RUBCN: variants seen among roughly 807,000 people sequenced by gnomAD.
RUBCN encodes rubicon autophagy regulator.
Under a neutral mutation model 113.2 loss-of-function variants are expected in RUBCN, and 74 were observed. The ratio of observed to expected loss-of-function variants is 0.65; its 90% CI spans 0.54 to 0.79. RUBCN has a LOEUF of 0.79. Ranked by LOEUF, RUBCN falls within the 30% of genes least tolerant of loss-of-function variation. The pLI is 0.00. For missense variants in RUBCN, 1,109 were observed against 1,251.7 expected, an observed-to-expected ratio of 0.89 and a Z score of 1.72; for synonymous variants, 480 against 490.0, an observed-to-expected ratio of 0.98 and a Z score of 0.27.
chr3:197,697,084 T>C (rs1245952182), intron 7 of RUBCN, 35 bp from the exon 8 acceptor site: 5 of 1,058,158 alleles, frequency 4.7e-6, no homozygotes, highest in African/African-American at 1.6e-5. Context: ...TAAAAACACA[T>C]ACGAAATGAG....
chr3:197,687,747 C>T (rs1201351872), intron 11 of RUBCN, among the ~76,000 whole-genome samples: 2 of 152,190 alleles, frequency 1.3e-5, no homozygotes, highest in Non-Finnish European at 2.9e-5. Flanking sequence ...TTCACCAGTA[C>T]CCTTGGGTTC....
chr3:197,728,353 T>C (rs1726994341), intron 1 of RUBCN, among the ~76,000 whole-genome samples: 1 of 152,224 alleles, frequency 6.6e-6, no homozygotes, highest in Admixed American at 6.5e-5. Context: ...TCTGTAATTT[T>C]TGTACTAAAA....
rs376830623 is a variant in RUBCN, at chr3:197,684,854, CACT to C, written c.1787-640_1787-638del. 6.0e-4 allele frequency among the ~76,000 whole-genome samples: 92 copies of C among 152,116 alleles called. No homozygotes were observed. The East Asian group carries it at 0.016, about 26-fold the overall frequency. On this transcript the variant is annotated intron_variant, in intron 11 of 19. Transcript: ENST00000296343. The stretch of plus-strand genomic sequence containing the variant: ...TGGAACTTTGCTTCTAATATTTCAC[CACT>C]GTTGCCATTACCCCGAATGTTAGAA...
At position 197,675,035 on chromosome 3, in the gene RUBCN, C is replaced by T. The variant is rs768136761; in HGVS notation, c.2902G>A (p.Val968Ile). The T allele has an allele frequency of 2.9e-5, 47 of 1,612,524 alleles. No homozygotes were observed. The highest frequency in any genetic ancestry group is 1.6e-4 in the East Asian group (7 of 44,878). Residue 968 changes from valine (V) to isoleucine (I), a missense_variant, in exon 20 of 20, where the codon GTC becomes ATC. Transcript: ENST00000296343. This position sits in a 1 kb window ranked among gnomAD's most constrained non-coding sequence, Gnocchi z 4.4. ...PAEALALEAA[V>I]LEAT ...TGCTTTCTTCAGGTGGCCTCCAGGA[C>T]GGCGGCTTCCAGGGCCAGCGCTTCC...
rs915811120 is a variant in RUBCN, at chr3:197,674,306, T to G, written c.*712A>C. On this transcript the variant is annotated 3_prime_UTR_variant, in exon 20 of 20. Coordinates refer to ENST00000296343, the MANE Select transcript of RUBCN (RefSeq NM_014687.4). ...CCTGGCCTGAGCATCAGTTCTGTTCTTTGCTTCAAGATCACCAAGGTAGAT... is the reference window on the plus strand; with the variant it reads ...CCTGGCCTGAGCATCAGTTCTGTTCGTTGCTTCAAGATCACCAAGGTAGAT... 2.7e-5 allele frequency: 5 copies of G among 185,292 alleles called. No individual in the cohort carries two copies. Among genetic ancestry groups the G allele is most frequent in the Non-Finnish European group, 6.2e-5 (5 of 80,076 alleles). 11.5% of individuals were successfully genotyped at this position (185,292 alleles called of 1,614,324 possible). A position where few individuals can be genotyped will look rare whatever the true frequency, so the allele number is the denominator to read the frequency against.
intron 9 of RUBCN, 104 bp from the exon 10 acceptor site, chr3:197,694,689 C>A: frequency 1.0e-6 from 1 of 966,096 alleles, no homozygotes; most frequent in Non-Finnish European, 1.6e-6. Flanking sequence ...CTGTTCCTGC[C>A]AAAAACACCC....
rs146969620 is a variant in RUBCN, at chr3:197,681,185, C to G, written c.2374G>C (p.Val792Leu). ...TAGAGGGCACTGTTTATGTCCTGCA[C>G]GTTGAAGAGAGGATCATTCCAGATC... ...IKIWNDPLFN[V>L]QDINSALYRK... The change falls in exon 16 of 20, where the codon GTG becomes CTG. Residue 792 changes from valine to leucine, a missense_variant. Val to Leu is a conservative substitution (Grantham distance 32). Transcript: ENST00000296343. The surrounding 1 kb of genome is among the most constrained non-coding windows in gnomAD (Gnocchi z 5.5). The G allele has an allele frequency of 4.3e-6, 7 of 1,613,966 alleles. No homozygotes were observed. Among genetic ancestry groups the G allele is most frequent in the South Asian group, 2.2e-5 (2 of 91,078 alleles).
chr3:197,701,232 C>A, intron 6 of RUBCN, 86 bp from the exon 7 acceptor site: 3 of 1,211,068 alleles, frequency 2.5e-6, no homozygotes, highest in East Asian at 4.8e-5. Context: ...CCAGGACATA[C>A]GATGTCACCT....
At chr3:197,684,331 CACTCT>C in intron 11 of RUBCN, 114 bp from the exon 12 acceptor site, 1 of 813,762 alleles carries the variant, frequency 1.2e-6, no homozygotes, top group Non-Finnish European at 2.2e-6. Context: ...CCAGGTGCCA[CACTCT>C]ATGCAGGAGA....
chr3:197,709,908 C>T (rs1724762953), intron 2 of RUBCN, among the ~76,000 whole-genome samples: 1 of 151,920 alleles, frequency 6.6e-6, no homozygotes, highest in Admixed American at 6.6e-5. Flanking sequence ...GTGGCGCACA[C>T]CCGTTTAATC....
chr3:197,739,011 G>A (rs115985603), upstream of RUBCN, among the ~76,000 whole-genome samples: 1,912 of 151,678 alleles, frequency 0.013, 47 homozygotes, highest in African/African-American at 0.045. Context: ...TTGTTGGCTA[G>A]ACTGGAGTGC....
intron 11 of RUBCN, among the ~76,000 whole-genome samples, chr3:197,690,098 T>C (rs1213599878): frequency 6.6e-6 from 1 of 152,230 alleles, no homozygotes; most frequent in Non-Finnish European, 1.5e-5. Context: ...GATCTAATCT[T>C]ACACAATTAT....
At chr3:197,710,345 A>G (rs997522656) in intron 2 of RUBCN, among the ~76,000 whole-genome samples, 38 of 152,206 alleles carry the variant, frequency 2.5e-4, no homozygotes, top group African/African-American at 7.5e-4. Context: ...TCATGCCTAT[A>G]ATCCCAGCAC....
chr3:197,691,032 A>T (rs376790827), intron 11 of RUBCN: 1 of 1,071,058 alleles, frequency 9.3e-7, no homozygotes. Context: ...ACATTCTCAC[A>T]CATGCATCTA....
intron 1 of RUBCN, among the ~76,000 whole-genome samples, chr3:197,728,472 G>A (rs2108990386): frequency 6.6e-6 from 1 of 152,292 alleles, no homozygotes; most frequent in East Asian, 1.9e-4. Flanking sequence ...GGACGGGAAA[G>A]AAAGAAAACA....
chr3:197,723,098 T>G (rs1454940445), intron 1 of RUBCN, among the ~76,000 whole-genome samples: 2 of 152,208 alleles, frequency 1.3e-5, no homozygotes, highest in Non-Finnish European at 2.9e-5. Context: ...TCAATTTTGG[T>G]GTGTCATAGG....
chr3:197,722,016 AT>A (rs1726226153), intron 1 of RUBCN, among the ~76,000 whole-genome samples: 1 of 152,106 alleles, frequency 6.6e-6, no homozygotes, highest in Non-Finnish European at 1.5e-5. Context: ...AGGTGGGCGG[AT>A]CACTTGAGGT....
At position 197,703,657 on chromosome 3, in the gene RUBCN, G is replaced by T; in HGVS notation, c.464-3C>A. 2 of 1,605,264 alleles carry T rather than the reference G, an allele frequency of 1.2e-6. No individual in the cohort carries two copies. The highest frequency in any genetic ancestry group is 1.7e-6 in the Non-Finnish European group (2 of 1,172,308). ...GTCACTTAGCAGGAAGGCAGCATCT[G>T]GGGAGAGAAAAGCTGCCACAGTGAT... is the stretch of plus-strand genomic sequence containing the variant. On this transcript the variant is annotated splice_polypyrimidine_tract_variant and splice_region_variant and intron_variant, in intron 4 of 19. Transcript: ENST00000296343.
chr3:197,715,765 AACT>A (rs1452118824), intron 2 of RUBCN, among the ~76,000 whole-genome samples: 2 of 152,238 alleles, frequency 1.3e-5, no homozygotes, highest in Non-Finnish European at 1.5e-5. Flanking sequence ...AACATGAGTT[AACT>A]ACTAACTCTT....
Sources: gnomAD v4.1 joint callset for allele counts (sites outside exome capture counted in the v4.1 genomes callset) on GRCh38, gnomAD v4.1.1 for gene constraint, Gnocchi (gnomAD v3.1) non-coding constraint, MANE v1.5 for transcripts, NCBI Gene and HGNC (gene_info 2026-07-23, HGNC 2026-07-21) for gene names.